The following RNF180 variants were observed in gnomAD, a reference collection of about 807,000 sequenced individuals.
RNF180 encodes the protein E3 ubiquitin-protein ligase RNF180.
In RNF180, 38 loss-of-function variants were observed where a neutral mutation model predicts 59.2. The ratio of observed to expected loss-of-function variants is 0.64; its 90% CI spans 0.50 to 0.84. RNF180 has a LOEUF of 0.84. RNF180 is among the 40% of genes least tolerant of loss of function. RNF180 has a pLI of 0.00. For missense variants in RNF180, 705 were observed against 700.9 expected (o/e 1.01, Z -0.07); for synonymous variants, 262 against 240.3 (o/e 1.09, Z -0.84).
At chr5:64,275,229 A>G (rs1221669652) in intron 5 of RNF180, among the ~76,000 whole-genome samples, 1 of 151,274 alleles carries the variant, frequency 6.6e-6, no homozygotes, top group Non-Finnish European at 1.5e-5. Flanking sequence ...GATAACCTTA[A>G]TATCTAAACT....
intron 5 of RNF180, among the ~76,000 whole-genome samples, chr5:64,283,141 A>G (rs1219085876): frequency 2.6e-5 from 4 of 152,196 alleles, no homozygotes; most frequent in African/African-American, 7.2e-5. Flanking sequence ...AAGGTTCTTT[A>G]TAGGTCTCTA....
At chr5:64,204,596 A>G (rs1462872628) in intron 2 of RNF180, among the ~76,000 whole-genome samples, 1 of 151,970 alleles carries the variant, frequency 6.6e-6, no homozygotes, top group Non-Finnish European at 1.5e-5. Flanking sequence ...TGGTTATTGT[A>G]TTGCAACTAT....
chr5:64,171,483 G>A (rs1749932731), intron 1 of RNF180, among the ~76,000 whole-genome samples: 1 of 152,208 alleles, frequency 6.6e-6, no homozygotes, highest in South Asian at 2.1e-4. Flanking sequence ...GCAAGTACAT[G>A]CTTGGTGGGA....
chr5:64,234,578 C>CTTCTTTTTTTT (rs1742295672), intron 5 of RNF180, among the ~76,000 whole-genome samples: 1 of 48,500 alleles, frequency 2.1e-5, no homozygotes, highest in Non-Finnish European at 3.8e-5. Flanking sequence ...GTTACCCGTT[C>CTTCTTTTTTTT]TTTTTTTTTT....
chr5:64,234,575 G>GTTT (rs1561207558), intron 5 of RNF180, among the ~76,000 whole-genome samples: 2 of 77,690 alleles, frequency 2.6e-5, no homozygotes, highest in Non-Finnish European at 3.0e-5. Context: ...GCAGTTACCC[G>GTTT]TTCTTTTTTT....
At chr5:64,329,474 C>A (rs1195717619) in intron 6 of RNF180, among the ~76,000 whole-genome samples, 1 of 144,616 alleles carries the variant, frequency 6.9e-6, no homozygotes, top group African/African-American at 2.6e-5. Flanking sequence ...TTTTTTTTTC[C>A]CAAGATGGAG....
chr5:64,249,344 G>C (rs1427998536), intron 5 of RNF180, among the ~76,000 whole-genome samples: 3 of 152,166 alleles, frequency 2.0e-5, no homozygotes, highest in Non-Finnish European at 2.9e-5. Context: ...TTGTAAGGGA[G>C]TTTCCATAAG....
intron 7 of RNF180, among the ~76,000 whole-genome samples, chr5:64,338,423 AG>A (rs1378135000): frequency 6.6e-6 from 1 of 152,130 alleles, no homozygotes; most frequent in African/African-American, 2.4e-5. Flanking sequence ...TCACGAGGTC[AG>A]GAGATCGAGA....
chr5:64,278,805 G>A (rs1439008032), intron 5 of RNF180, among the ~76,000 whole-genome samples: 1 of 152,034 alleles, frequency 6.6e-6, no homozygotes, highest in African/African-American at 2.4e-5. Context: ...TTGTAGAGAT[G>A]GGGGTCTCAT....
chr5:64,355,402 G>T (rs1005098907), intron 7 of RNF180, among the ~76,000 whole-genome samples: 2 of 151,892 alleles, frequency 1.3e-5, no homozygotes, highest in Admixed American at 6.6e-5. Context: ...AGACGTTGCT[G>T]AAGGAAATTA....
At chr5:64,256,282 A>G (rs1267003135) in intron 5 of RNF180, among the ~76,000 whole-genome samples, 7 of 152,154 alleles carry the variant, frequency 4.6e-5, no homozygotes, top group East Asian at 3.8e-4. Flanking sequence ...GCCCGTGCCT[A>G]TGTCCTGAAT....
At chr5:64,284,909 T>C (rs551017948) in intron 5 of RNF180, among the ~76,000 whole-genome samples, 45 of 152,350 alleles carry the variant, frequency 3.0e-4, no homozygotes, top group African/African-American at 1.1e-3. Context: ...CTTCTTGAGT[T>C]GTGAGAGTTC....
At chr5:64,314,292 T>G (rs543531002) in intron 5 of RNF180, among the ~76,000 whole-genome samples, 1 of 152,250 alleles carries the variant, frequency 6.6e-6, no homozygotes, top group South Asian at 2.1e-4. Context: ...GCCAACATTT[T>G]TTTTTACTAC....
intron 2 of RNF180, among the ~76,000 whole-genome samples, chr5:64,208,445 G>C (rs1220563722): frequency 6.6e-6 from 1 of 151,750 alleles, no homozygotes; most frequent in Non-Finnish European, 1.5e-5. Context: ...GTTGCCTCCA[G>C]TTTCATCACT....
intron 5 of RNF180, among the ~76,000 whole-genome samples, chr5:64,268,358 C>A (rs1744807943): frequency 6.6e-6 from 1 of 152,102 alleles, no homozygotes; most frequent in African/African-American, 2.4e-5. Flanking sequence ...GAAATATTTT[C>A]ATTTGTCTTT....
intron 1 of RNF180, among the ~76,000 whole-genome samples, chr5:64,185,641 A>G (rs919834151): frequency 2.0e-5 from 3 of 152,218 alleles, no homozygotes; most frequent in Admixed American, 2.0e-4. Flanking sequence ...TTTCCTTTCA[A>G]TGCCCAAAGA....
At chr5:64,242,133 G>A (rs1342106513) in intron 5 of RNF180, among the ~76,000 whole-genome samples, 2 of 152,164 alleles carry the variant, frequency 1.3e-5, no homozygotes, top group Non-Finnish European at 1.5e-5. Context: ...CATCTGTCCT[G>A]GGTTTCAGCC....
chr5:64,304,191 G>A (rs1112246), intron 5 of RNF180, among the ~76,000 whole-genome samples: 67,295 of 151,496 alleles, frequency 0.44, 16,335 homozygotes, highest in African/African-American at 0.65. Context: ...CTAGTCACCA[G>A]AGAGCTCTGC....
chr5:64,177,563 AT>A (rs1364166042), intron 1 of RNF180, among the ~76,000 whole-genome samples: 1 of 135,390 alleles, frequency 7.4e-6, no homozygotes, highest in East Asian at 2.2e-4. Flanking sequence ...ATATATATAT[AT>A]ATGTATTTAT....
Sources: allele counts gnomAD v4.1 joint callset (sites outside exome capture counted in the v4.1 genomes callset), GRCh38; gene constraint gnomAD v4.1.1; transcripts MANE v1.5; gene names NCBI Gene and HGNC (gene_info 2026-07-23, HGNC 2026-07-21).